Variants in CHCHD3 observed in about 807,000 individuals in gnomAD.
CHCHD3 encodes the protein coiled-coil-helix-coiled-coil-helix domain containing 3, also known as MICOS complex subunit MIC19.
In CHCHD3, 20 loss-of-function variants were observed where a neutral mutation model predicts 38.2. The observed-to-expected ratio is 0.52, with a 90% CI of 0.37 to 0.76. The LOEUF (loss-of-function observed/expected upper bound fraction) is 0.76, where lower values mean the gene tolerates loss of function less well. CHCHD3 is among the 30% of genes least tolerant of loss of function. CHCHD3 has a pLI of 0.00. For missense variants in CHCHD3, 245 were observed against 279.2 expected (o/e 0.88, Z 0.87); for synonymous variants, 82 against 100.0 (o/e 0.82, Z 1.07).
At chr7:133,026,673 C>T (rs115121463) in intron 2 of CHCHD3, among the ~76,000 whole-genome samples, 1,944 of 152,172 alleles carry the variant, frequency 0.013, 36 homozygotes, top group African/African-American at 0.044. Flanking sequence ...TATATCCATT[C>T]GATATAATAT....
In CHCHD3 at chr7:132,922,212, G is replaced by T. The variant is rs527849965; in HGVS notation, c.370-36467C>A. On this transcript the variant is annotated intron_variant, in intron 4 of 7. Coordinates refer to ENST00000262570, the MANE Select transcript of CHCHD3 (RefSeq NM_017812.4). ...GCCTGGGAAGCTGCCTGAGACCTGT[G>T]GGTAGACATGAAGACAAAGGGCGGG... Among the ~76,000 whole-genome samples the T allele has an allele frequency of 3.9e-5, 6 of 152,222 alleles. No homozygotes were observed. In the South Asian group the frequency reaches 1.2e-3, roughly 32 times the overall value.
At chr7:132,886,704 T>C (rs896823093) in intron 4 of CHCHD3, among the ~76,000 whole-genome samples, 57 of 9,222 alleles carry the variant, frequency 6.2e-3, no homozygotes, top group African/African-American at 6.3e-3. Flanking sequence ...TATATAGATA[T>C]ATATATTTTT....
intron 6 of CHCHD3, among the ~76,000 whole-genome samples, chr7:132,804,585 G>C (rs1806867732): frequency 6.6e-6 from 1 of 152,148 alleles, no homozygotes; most frequent in African/African-American, 2.4e-5. Context: ...GTCAAGAACA[G>C]TTTAATTTTA....
chr7:132,887,711 A>C (rs754871150), intron 4 of CHCHD3, among the ~76,000 whole-genome samples: 2 of 151,812 alleles, frequency 1.3e-5, no homozygotes, highest in African/African-American at 4.8e-5. Context: ...ACCCAACCCC[A>C]CATCAAATCA....
At chr7:132,954,796 C>T (rs906924678) in intron 4 of CHCHD3, among the ~76,000 whole-genome samples, 5 of 152,146 alleles carry the variant, frequency 3.3e-5, no homozygotes, top group African/African-American at 1.2e-4. Context: ...CGTCCCTCGC[C>T]ATCTGCCTGT....
At chr7:132,866,279 G>A (rs1447577093) in intron 5 of CHCHD3, among the ~76,000 whole-genome samples, 1 of 152,166 alleles carries the variant, frequency 6.6e-6, no homozygotes, top group Non-Finnish European at 1.5e-5. Flanking sequence ...AGCTTAGACT[G>A]CCAGGGTTCA....
chr7:132,807,974 C>T (rs751295947), intron 6 of CHCHD3, among the ~76,000 whole-genome samples: 1 of 152,130 alleles, frequency 6.6e-6, no homozygotes, highest in Middle Eastern at 3.4e-3. Context: ...GCCATTTCCA[C>T]ACGTTTTGTG....
Position 133,036,865 on chromosome 7 carries a change from G to A in CHCHD3, c.170-12238C>T, listed in dbSNP as rs76120086. Among the ~76,000 whole-genome samples, 122 of 152,262 alleles carry A rather than the reference G, an allele frequency of 8.0e-4. 2 individuals are homozygous for A. In the East Asian group the frequency reaches 0.021, roughly 27 times the overall value. On this transcript the variant is annotated intron_variant, in intron 2 of 7. Coordinates refer to ENST00000262570, the MANE Select transcript of CHCHD3 (RefSeq NM_017812.4). ...CCAGTACTATAGTTTGCAAGAGACT[G>A]TTTAAAGCCATATATTCTTCAGAAT...
intron 4 of CHCHD3, among the ~76,000 whole-genome samples, chr7:132,895,414 C>G (rs569783462): frequency 6.6e-6 from 1 of 152,340 alleles, no homozygotes; most frequent in East Asian, 1.9e-4. Context: ...TGAGTTGTGA[C>G]AAGCAAAATG....
intron 2 of CHCHD3, among the ~76,000 whole-genome samples, chr7:133,055,319 T>C (rs949053403): frequency 8.9e-5 from 13 of 146,058 alleles, no homozygotes; most frequent in Non-Finnish European, 1.6e-4. Context: ...TTGAATATAT[T>C]ATATATAATT....
At chr7:133,076,462 G>A (rs1438206039) in intron 1 of CHCHD3, among the ~76,000 whole-genome samples, 4 of 152,166 alleles carry the variant, frequency 2.6e-5, no homozygotes, top group Non-Finnish European at 4.4e-5. Context: ...AAGCAGGTCT[G>A]CCGATATTCA....
Position 133,059,864 on chromosome 7 carries a change from G to A in CHCHD3, c.169+10278C>T, listed in dbSNP as rs772336145. Reference sequence around the variant, plus strand: ...CATTATCTGATTTGCTTTAGCTCACGCATTCCACAAACATTTATGAGGCAC... The same window carrying A: ...CATTATCTGATTTGCTTTAGCTCACACATTCCACAAACATTTATGAGGCAC... On this transcript the variant is annotated intron_variant, in intron 2 of 7. Transcript: ENST00000262570. Among the ~76,000 whole-genome samples the A allele has an allele frequency of 7.2e-5, 11 of 152,272 alleles. 1 individual carries two copies. In the East Asian group the frequency reaches 1.4e-3, roughly 19 times the overall value.
chr7:132,976,190 T>C (rs575396983), intron 3 of CHCHD3, among the ~76,000 whole-genome samples: 1 of 148,196 alleles, frequency 6.7e-6, no homozygotes, highest in South Asian at 2.2e-4. Context: ...CATATGCAAA[T>C]ATGACCACGC....
chr7:132,812,794 C>T (rs548395545), intron 6 of CHCHD3, among the ~76,000 whole-genome samples: 4 of 152,306 alleles, frequency 2.6e-5, no homozygotes, highest in African/African-American at 9.6e-5. Context: ...CTAGGTCCTA[C>T]AAGATGTAAC....
chr7:132,936,564 C>G (rs373789008), intron 4 of CHCHD3, among the ~76,000 whole-genome samples: 2 of 152,182 alleles, frequency 1.3e-5, no homozygotes, highest in African/African-American at 4.8e-5. Flanking sequence ...CTATCAGGCC[C>G]ATAAAAGTAT....
chr7:132,899,881 T>TA (rs1463672420), intron 4 of CHCHD3, among the ~76,000 whole-genome samples: 1 of 152,234 alleles, frequency 6.6e-6, no homozygotes, highest in African/African-American at 2.4e-5. Flanking sequence ...TTTCTTCTAT[T>TA]ATTCATTTGG....
intron 4 of CHCHD3, among the ~76,000 whole-genome samples, chr7:132,940,306 TCAGA>T (rs921222673): frequency 6.6e-6 from 1 of 152,302 alleles, no homozygotes; most frequent in African/African-American, 2.4e-5. Flanking sequence ...TGTGTGCTAG[TCAGA>T]CAGTTCAAGA....
At chr7:133,009,534 C>T (rs1245177838) in intron 3 of CHCHD3, among the ~76,000 whole-genome samples, 5 of 128,742 alleles carry the variant, frequency 3.9e-5, no homozygotes, top group East Asian at 4.7e-4. Flanking sequence ...TCTCAGGTTA[C>T]GACAAAAAAA....
chr7:132,857,771 G>A (rs1003621350), intron 5 of CHCHD3, among the ~76,000 whole-genome samples: 5 of 152,312 alleles, frequency 3.3e-5, no homozygotes, highest in African/African-American at 1.2e-4. Context: ...ACAGGGGCCT[G>A]ACTGCTTGTG....
Sources: allele counts gnomAD v4.1 joint callset (sites outside exome capture counted in the v4.1 genomes callset), GRCh38; gene constraint gnomAD v4.1.1; transcripts MANE v1.5; gene names NCBI Gene and HGNC (gene_info 2026-07-23, HGNC 2026-07-21).